MED13L: variants seen among roughly 807,000 people sequenced by gnomAD.
The protein encoded by MED13L is mediator of RNA polymerase II transcription subunit 13-like.
MED13L carries 7 observed loss-of-function variants against 220.9 expected under a neutral mutation model. That is an observed-to-expected ratio of 0.03 (90% CI 0.02 to 0.06). The LOEUF (loss-of-function observed/expected upper bound fraction) is 0.06. Ranked by LOEUF, MED13L falls within the 10% of genes least tolerant of loss-of-function variation. The pLI is 1.00. For missense variants in MED13L, 1,965 were observed against 2,760.5 expected, an observed-to-expected ratio of 0.71 and a Z score of 6.46; for synonymous variants, 1,011 against 1,015.2, an observed-to-expected ratio of 1.00 and a Z score of 0.08.
At chr12:116,238,835 G>A (rs541861360) in intron 1 of MED13L, among the ~76,000 whole-genome samples, 4 of 152,124 alleles carry the variant, frequency 2.6e-5, no homozygotes, top group East Asian at 1.9e-4. Flanking sequence ...GGTGGTTCAC[G>A]CCTGTAATCC....
At chr12:116,190,665 G>C (rs754691154) in intron 2 of MED13L, among the ~76,000 whole-genome samples, 1 of 151,934 alleles carries the variant, frequency 6.6e-6, no homozygotes, top group Non-Finnish European at 1.5e-5. Context: ...TGCTTTTAAA[G>C]GTTTACTTGT....
rs561500201 is a variant in MED13L, at chr12:115,977,688, A to C, written c.5365-1950T>G. Among the ~76,000 whole-genome samples, 22 of 152,290 alleles carry C rather than the reference A, an allele frequency of 1.4e-4. No homozygotes were observed. The South Asian group carries it at 2.1e-3, about 14-fold the overall frequency. ...CCTCAAAATCATTATGCTAACTGGA[A>C]GAAGCCAGACATAAAAGATCGCATA... is the stretch of plus-strand genomic sequence containing the variant. On this transcript the variant is annotated intron_variant, in intron 23 of 30. Transcript: ENST00000281928.
rs774875010 is a variant in MED13L, at chr12:115,984,312, C to T, written c.4399G>A (p.Val1467Met). The change falls in exon 20 of 31, where the codon GTG becomes ATG. Residue 1467 changes from valine (V) to methionine (M), a missense_variant. Coordinates refer to ENST00000281928, the MANE Select transcript of MED13L (RefSeq NM_015335.5). The stretch of plus-strand genomic sequence containing the variant: ...AGCTTCTGTGCCACAGTTTTTCCCA[C>T]GCGCATGATCCCGTCACGTAGCACT... ...CKVLRDGIMR[V>M]GKTVAQKLTD... 3.7e-6 allele frequency: 6 copies of T among 1,614,156 alleles called. No homozygotes were observed. The highest frequency in any genetic ancestry group is 4.5e-5 in the East Asian group (2 of 44,876).
Position 115,961,211 on chromosome 12 carries a change from G to T in MED13L, c.*55C>A, listed in dbSNP as rs1389183805. The T allele has an allele frequency of 6.2e-7, 1 of 1,605,166 alleles. No individual in the cohort carries two copies. The highest frequency in any genetic ancestry group is 8.5e-7 in the Non-Finnish European group (1 of 1,172,254). ...ATTTGCAGAGTGTAGCAGGTTCCTT[G>T]GACTGAGGTTGCAGGGAGAAGGAAC... is the stretch of plus-strand genomic sequence containing the variant. On this transcript the variant is annotated 3_prime_UTR_variant, in exon 31 of 31. Transcript: ENST00000281928.
chr12:116,023,999 T>C (rs976277764), intron 4 of MED13L, among the ~76,000 whole-genome samples: 7 of 152,216 alleles, frequency 4.6e-5, no homozygotes, highest in African/African-American at 1.7e-4. Flanking sequence ...ATAGTTTTAC[T>C]GATTGTGGAT....
chr12:115,973,374 TTAG>T (rs1876717656), intron 25 of MED13L, among the ~76,000 whole-genome samples: 1 of 152,222 alleles, frequency 6.6e-6, no homozygotes, highest in South Asian at 2.1e-4. Context: ...GAGCTGTAGA[TTAG>T]TAAACAGATT....
At chr12:116,255,345 A>G (rs774596740) in intron 1 of MED13L, among the ~76,000 whole-genome samples, 3 of 152,224 alleles carry the variant, frequency 2.0e-5, no homozygotes, top group Non-Finnish European at 2.9e-5. Flanking sequence ...CAGAACTTCA[A>G]TCCTCACCTC....
At chr12:116,159,253 T>C (rs1452288158) in intron 2 of MED13L, among the ~76,000 whole-genome samples, 1 of 152,220 alleles carries the variant, frequency 6.6e-6, no homozygotes, top group Non-Finnish European at 1.5e-5. Flanking sequence ...GAGATTATTA[T>C]GTCCAACAAA....
intron 27 of MED13L, 144 bp downstream of exon 27, chr12:115,970,450 A>C: frequency 1.3e-6 from 1 of 772,586 alleles, no homozygotes; most frequent in Non-Finnish European, 2.1e-6. Context: ...AAGACCAAAT[A>C]GATTCTCAAA....
chr12:115,985,141 AG>A (rs1165113779), intron 19 of MED13L, among the ~76,000 whole-genome samples: 2 of 152,158 alleles, frequency 1.3e-5, no homozygotes, highest in East Asian at 3.9e-4. Flanking sequence ...AATTTAAAAG[AG>A]TGTCTGTCTG....
At chr12:116,060,638 C>T (rs1869388616) in intron 4 of MED13L, among the ~76,000 whole-genome samples, 1 of 150,102 alleles carries the variant, frequency 6.7e-6, no homozygotes, top group Admixed American at 6.6e-5. Flanking sequence ...TGATTCTGTA[C>T]ACTTTTTTCA....
chr12:116,057,597 C>T (rs971058630), intron 4 of MED13L, among the ~76,000 whole-genome samples: 1 of 150,586 alleles, frequency 6.6e-6, no homozygotes, highest in African/African-American at 2.4e-5. Context: ...GACTCATCGC[C>T]TACTAGATAA....
intron 4 of MED13L, among the ~76,000 whole-genome samples, chr12:116,082,106 C>T (rs1471948530): frequency 2.0e-5 from 3 of 152,128 alleles, no homozygotes; most frequent in Non-Finnish European, 4.4e-5. Context: ...TAATTAGTTA[C>T]TTCCAATGAC....
At chr12:116,086,790 T>C (rs1421063189) in intron 4 of MED13L, among the ~76,000 whole-genome samples, 4 of 152,322 alleles carry the variant, frequency 2.6e-5, no homozygotes, top group Admixed American at 6.5e-5. Flanking sequence ...ATATACATTA[T>C]GCATTTTCAA....
intron 4 of MED13L, among the ~76,000 whole-genome samples, chr12:116,054,746 A>C (rs1311625137): frequency 6.6e-6 from 1 of 152,214 alleles, no homozygotes; most frequent in East Asian, 1.9e-4. Context: ...TTTCATATAC[A>C]GCTGGTGAGA....
chr12:116,184,756 C>A (rs1055543785), intron 2 of MED13L, among the ~76,000 whole-genome samples: 1 of 152,122 alleles, frequency 6.6e-6, no homozygotes, highest in African/African-American at 2.4e-5. Context: ...TATCTAAAAA[C>A]CATTAACTAT....
intron 2 of MED13L, among the ~76,000 whole-genome samples, chr12:116,131,789 G>C (rs1876088045): frequency 6.6e-6 from 1 of 152,092 alleles, no homozygotes; most frequent in Non-Finnish European, 1.5e-5. Context: ...GACCAGCCTG[G>C]GCAACATGGC....
At chr12:116,025,203 G>A (rs942572087) in intron 4 of MED13L, among the ~76,000 whole-genome samples, 1 of 152,130 alleles carries the variant, frequency 6.6e-6, no homozygotes, top group African/African-American at 2.4e-5. Context: ...CAATTAAAAT[G>A]GACATCATCA....
At chr12:116,165,520 T>C (rs1257225581) in intron 2 of MED13L, among the ~76,000 whole-genome samples, 1 of 151,718 alleles carries the variant, frequency 6.6e-6, no homozygotes, top group African/African-American at 2.4e-5. Flanking sequence ...TTAGTAGAGA[T>C]GGGGTTTCAC....
Sources: gnomAD v4.1 joint callset for allele counts (sites outside exome capture counted in the v4.1 genomes callset) on GRCh38, gnomAD v4.1.1 for gene constraint, MANE v1.5 for transcripts, NCBI Gene and HGNC (gene_info 2026-07-23, HGNC 2026-07-21) for gene names.